The following CXorf38 variants were observed in gnomAD, a reference collection of about 807,000 sequenced individuals.
CXorf38 encodes uncharacterized protein CXorf38.
A neutral mutation model predicts 27.5 loss-of-function variants in CXorf38; 13 were observed. The ratio of observed to expected loss-of-function variants is 0.47; its 90% CI spans 0.31 to 0.75. The LOEUF (loss-of-function observed/expected upper bound fraction) is 0.75. CXorf38 is among the 30% of genes least tolerant of loss of function. The probability of loss-of-function intolerance (pLI) is 0.05; values close to 1 mark genes in which losing one functional copy is unlikely to be tolerated. For synonymous variants in CXorf38, 100 were observed against 99.8 expected, an observed-to-expected ratio of 1.00 and a Z score of -0.01; for missense variants, 240 against 253.2, an observed-to-expected ratio of 0.95 and a Z score of 0.35.
intron 5 of CXorf38, among the ~76,000 whole-genome samples, chrX:40,631,452 C>G (rs1285556460): frequency 9.1e-6 from 1 of 110,154 alleles, no homozygotes; most frequent in Non-Finnish European, 1.9e-5. Flanking sequence ...GGATTACAGG[C>G]ACATGCCACC....
At chrX:40,632,156 G>T (rs191253388) in intron 5 of CXorf38, among the ~76,000 whole-genome samples, 15 of 111,838 alleles carry the variant, frequency 1.3e-4, no homozygotes, top group Non-Finnish European at 2.3e-4. Context: ...ACACCTCAGG[G>T]TCTTCCTGAG....
At chrX:40,642,012 C>T (rs1418739011) in intron 2 of CXorf38, among the ~76,000 whole-genome samples, 4 of 111,646 alleles carry the variant, frequency 3.6e-5, no homozygotes, top group Non-Finnish European at 1.9e-5. Flanking sequence ...GGTTATAGAA[C>T]GATCTAATTC....
At chrX:40,638,131 C>T (rs1406924049) in intron 3 of CXorf38, among the ~76,000 whole-genome samples, 2 of 111,938 alleles carry the variant, frequency 1.8e-5, no homozygotes, top group East Asian at 5.6e-4. Flanking sequence ...CAGGGAGTTT[C>T]CTGATGTGGA....
intron 3 of CXorf38, among the ~76,000 whole-genome samples, chrX:40,638,194 G>A (rs749099485): frequency 6.3e-5 from 7 of 111,982 alleles, no homozygotes; most frequent in Middle Eastern, 4.6e-3. Flanking sequence ...AAAAATGGTC[G>A]TCTAATCATG....
At position 40,633,069 on chromosome X, in the gene CXorf38, C is replaced by T. The variant is rs1927900224; in HGVS notation, c.802-2296G>A. ...CTTTCTCTCACATGCCACATCTGCC[C>T]ACCTTCACATCACCTCTACACTTCT... On this transcript the variant is annotated intron_variant, in intron 5 of 6. Transcript: ENST00000327877. 4.5e-5 allele frequency among the ~76,000 whole-genome samples: 5 copies of T among 111,186 alleles called. No individual in the cohort carries two copies. In the South Asian group the frequency reaches 1.9e-3, roughly 43 times the overall value.
chrX:40,631,252 T>TACAC (rs1298183364), intron 5 of CXorf38, among the ~76,000 whole-genome samples: 964 of 37,597 alleles, frequency 0.026, 13 homozygotes, highest in African/African-American at 0.07. Flanking sequence ...TGTATATATA[T>TACAC]ATACACACAC....
chrX:40,639,723 T>C (rs1479087771), intron 2 of CXorf38: 3 of 119,136 alleles, frequency 2.5e-5, no homozygotes, highest in African/African-American at 9.9e-5. Context: ...ACTAGCACAG[T>C]GCTAGGCACG....
chrX:40,635,267 T>C (rs1171618793), intron 5 of CXorf38, among the ~76,000 whole-genome samples: 1 of 113,163 alleles, frequency 8.8e-6, no homozygotes, highest in East Asian at 2.8e-4. Context: ...TAAATACCTA[T>C]GGTGTACCAT....
chrX:40,631,720 C>T (rs973638922), intron 5 of CXorf38, among the ~76,000 whole-genome samples: 3 of 112,219 alleles, frequency 2.7e-5, no homozygotes, highest in African/African-American at 9.7e-5. Flanking sequence ...TCTTAAACTG[C>T]AGAGCGTACA....
chrX:40,644,808 G>C (rs1030750838), intron 2 of CXorf38, among the ~76,000 whole-genome samples: 21 of 111,788 alleles, frequency 1.9e-4, no homozygotes, highest in African/African-American at 6.9e-4. Context: ...GCGGAGGAAC[G>C]GGAGCAGGGA....
rs949678309 is a variant in CXorf38 at position 40,630,849 on chromosome X, A to G, written c.802-76T>C. 8.9e-5 allele frequency: 91 copies of G among 1,017,706 alleles called. No homozygotes were observed. The East Asian group carries it at 2.8e-3, about 32-fold the overall frequency. 83.9% of individuals were successfully genotyped at this position (1,017,706 alleles called of 1,213,427 possible). A position where few individuals can be genotyped will look rare whatever the true frequency, so the allele number is the denominator to read the frequency against. On this transcript the variant is annotated intron_variant, in intron 5 of 6. Transcript: ENST00000327877. ...TTGTAATTCAAATGAAAAACCTACTAGCTTCTAGACTGGCTCCTACTCACG... is the reference window on the plus strand; with the variant it reads ...TTGTAATTCAAATGAAAAACCTACTGGCTTCTAGACTGGCTCCTACTCACG...
At chrX:40,635,376 C>T (rs1928021150) in intron 5 of CXorf38, among the ~76,000 whole-genome samples, 1 of 113,201 alleles carries the variant, frequency 8.8e-6, no homozygotes, top group Non-Finnish European at 1.9e-5. Flanking sequence ...ATGGTTAATA[C>T]AGGCATAGTT....
In CXorf38 at chrX:40,628,681, A is replaced by G. The variant is rs1259072825; in HGVS notation, c.*1483T>C. 1 of 112,566 alleles carries G rather than the reference A, an allele frequency of 8.9e-6. No individual in the cohort carries two copies. Among genetic ancestry groups the G allele is most frequent in the African/African-American group, 3.2e-5 (1 of 30,947 alleles). 9.3% of individuals were successfully genotyped at this position (112,566 alleles called of 1,213,427 possible). A position where few individuals can be genotyped will look rare whatever the true frequency, so the allele number is the denominator to read the frequency against. On this transcript the variant is annotated 3_prime_UTR_variant, in exon 7 of 7. Transcript: ENST00000327877. ...CAAGAATGTTGCAATTTCATTTTTA[A>G]ATTTCGTAACAAAGGACCAGGCTTA... is the stretch of plus-strand genomic sequence containing the variant.
chrX:40,644,540 T>A (rs1459002826), intron 2 of CXorf38, among the ~76,000 whole-genome samples: 3 of 112,856 alleles, frequency 2.7e-5, no homozygotes, highest in South Asian at 3.6e-4. Context: ...CGAAATTTTT[T>A]AAAAATATAG....
In CXorf38 at chrX:40,630,632, G is replaced by GT. The variant is rs762672879; in HGVS notation, c.942dup (p.Pro315ThrfsTer2). 1 of 1,209,566 alleles carries GT rather than the reference G, an allele frequency of 8.3e-7. No homozygotes were observed. Among genetic ancestry groups the GT allele is most frequent in the Admixed American group, 2.2e-5 (1 of 45,887 alleles). On this transcript the variant is annotated frameshift_variant, in exon 6 of 7. Transcript: ENST00000327877. LOFTEE classifies it high-confidence loss of function. ...AACTCACCTCAGGCCTTCCTGTCAG[G>GT]TGTTTGTCTCCCAGGTTCCTGTGAA...
At position 40,629,187 on chromosome X, in the gene CXorf38, A is replaced by T. The variant is rs1927657938; in HGVS notation, c.*977T>A. On this transcript the variant is annotated 3_prime_UTR_variant, in exon 7 of 7. Coordinates refer to ENST00000327877, the MANE Select transcript of CXorf38 (RefSeq NM_144970.3). ...GTGCCACCATGCCCAGGTAATTTTTAAATTTTTTTGTAGAGATGGGGTCTC... is the reference window on the plus strand; with the variant it reads ...GTGCCACCATGCCCAGGTAATTTTTTAATTTTTTTGTAGAGATGGGGTCTC... The T allele has an allele frequency of 9.1e-6, 1 of 109,591 alleles. No homozygotes were observed. The highest frequency in any genetic ancestry group is 3.3e-5 in the African/African-American group (1 of 29,969). The allele number at this position is 109,591 out of a possible 1,213,427, so 9.0% of individuals were successfully genotyped here.
Position 40,639,077 on chromosome X carries a change from C to T in CXorf38, c.403G>A (p.Ala135Thr). 1.7e-6 allele frequency: 2 copies of T among 1,210,708 alleles called. No homozygotes were observed. The highest frequency in any genetic ancestry group is 3.5e-5 in the South Asian group (2 of 56,986). The change falls in exon 3 of 7, where the codon GCA becomes ACA. Residue 135 changes from alanine (A) to threonine (T), a missense_variant. By Grantham distance (58) the Ala-to-Thr change is moderately conservative. Transcript: ENST00000327877. ...ADKQGPEECD[A>T]VALLSLINSC... ...TTGATGAGACTTAAAAGAGCAACTG[C>T]ATCACATTCCTCAGGTCCTTGTTTG...
At chrX:40,637,427 G>A (rs1243553766) in intron 3 of CXorf38, among the ~76,000 whole-genome samples, 1 of 111,381 alleles carries the variant, frequency 9.0e-6, no homozygotes. Flanking sequence ...ACCAAGAAGT[G>A]AAGGTCTCCT....
At chrX:40,643,595 A>G (rs1295639723) in intron 2 of CXorf38, among the ~76,000 whole-genome samples, 1 of 110,919 alleles carries the variant, frequency 9.0e-6, no homozygotes, top group African/African-American at 3.3e-5. Context: ...CGCAACCTCC[A>G]CTTCCCAGGT....
Sources: gnomAD v4.1 joint callset for allele counts (sites outside exome capture counted in the v4.1 genomes callset) on GRCh38, gnomAD v4.1.1 for gene constraint, MANE v1.5 for transcripts, NCBI Gene and HGNC (gene_info 2026-07-23, HGNC 2026-07-21) for gene names.